PPP2R2B: variants seen among roughly 807,000 people sequenced by gnomAD.
The protein encoded by PPP2R2B is protein phosphatase 2 regulatory subunit Bbeta.
PPP2R2B carries 5 observed loss-of-function variants against 46.0 expected under a neutral mutation model. The observed-to-expected ratio is 0.11, with a 90% CI of 0.06 to 0.23. PPP2R2B has a LOEUF of 0.23. Ranked by LOEUF, PPP2R2B falls within the 10% of genes least tolerant of loss-of-function variation. PPP2R2B has a pLI of 1.00. For missense variants in PPP2R2B, 367 were observed against 575.0 expected (o/e 0.64, Z 3.70); for synonymous variants, 215 against 206.7 (o/e 1.04, Z -0.34).
chr5:146,988,684 A>G (rs186549276), intron 1 of PPP2R2B, among the ~76,000 whole-genome samples: 9 of 152,014 alleles, frequency 5.9e-5, no homozygotes, highest in Non-Finnish European at 2.9e-5. Flanking sequence ...GAAATAAACA[A>G]CCTAACATTA....
chr5:147,037,090 C>T (rs1756074056), intron 1 of PPP2R2B, among the ~76,000 whole-genome samples: 1 of 152,048 alleles, frequency 6.6e-6, no homozygotes, highest in African/African-American at 2.4e-5. Flanking sequence ...CACAGGGAAC[C>T]CAGGCAGTCT....
intron 2 of PPP2R2B, among the ~76,000 whole-genome samples, chr5:146,741,874 T>G (rs1752896668): frequency 6.6e-6 from 1 of 152,234 alleles, no homozygotes; most frequent in African/African-American, 2.4e-5. Context: ...CAGATCGATA[T>G]TAGCCTAGTA....
intron 7 of PPP2R2B, among the ~76,000 whole-genome samples, chr5:146,632,800 G>T (rs575821333): frequency 6.6e-6 from 1 of 152,272 alleles, no homozygotes; most frequent in East Asian, 1.9e-4. Flanking sequence ...AGAATTCCAG[G>T]CAGAAAAGCA....
chr5:146,688,494 G>T (rs940443302), intron 5 of PPP2R2B, among the ~76,000 whole-genome samples: 7 of 151,754 alleles, frequency 4.6e-5, no homozygotes, highest in African/African-American at 1.7e-4. Flanking sequence ...TGGCAGCTTA[G>T]AAACTAAGCT....
chr5:146,591,092 G>C (rs536798492), intron 9 of PPP2R2B, among the ~76,000 whole-genome samples: 63 of 152,182 alleles, frequency 4.1e-4, no homozygotes, highest in African/African-American at 1.5e-3. Flanking sequence ...GGGAGGGAGA[G>C]ATTCCTTGGG....
At chr5:146,968,253 G>A (rs2151846549) in intron 1 of PPP2R2B, among the ~76,000 whole-genome samples, 1 of 152,290 alleles carries the variant, frequency 6.6e-6, no homozygotes, top group East Asian at 1.9e-4. Flanking sequence ...AATAGGCAGT[G>A]ATGGTGTTTA....
At chr5:146,812,793 GTA>G (rs1201054676) in intron 2 of PPP2R2B, among the ~76,000 whole-genome samples, 622 of 12,106 alleles carry the variant, frequency 0.051, 67 homozygotes, top group Non-Finnish European at 0.078. Context: ...GTATATGTGT[GTA>G]TATATATATA....
At chr5:146,990,875 C>T (rs1036441594) in intron 1 of PPP2R2B, among the ~76,000 whole-genome samples, 1 of 151,606 alleles carries the variant, frequency 6.6e-6, no homozygotes, top group African/African-American at 2.4e-5. Flanking sequence ...AAAGAAAGAA[C>T]AAAAACTAAA....
At chr5:147,073,572 C>T (rs757756822) in intron 2 of PPP2R2B, among the ~76,000 whole-genome samples, 2 of 152,106 alleles carry the variant, frequency 1.3e-5, no homozygotes, top group South Asian at 2.1e-4. Flanking sequence ...CTTCAGTGCC[C>T]GAGGCAGAGA....
chr5:146,749,934 AT>A (rs1447344008), intron 2 of PPP2R2B, among the ~76,000 whole-genome samples: 1 of 151,918 alleles, frequency 6.6e-6, no homozygotes, highest in African/African-American at 2.4e-5. Context: ...ATAGCTTCAC[AT>A]TTTATATCTA....
At chr5:147,001,377 A>G (rs887085379) in intron 1 of PPP2R2B, among the ~76,000 whole-genome samples, 1 of 152,020 alleles carries the variant, frequency 6.6e-6, no homozygotes, top group Non-Finnish European at 1.5e-5. Context: ...TGATGAACCC[A>G]CCAGGAGGAA....
chr5:146,963,987 G>C lies in PPP2R2B; in HGVS notation c.79+91678C>G, dbSNP rs185302352. On this transcript the variant is annotated intron_variant, in intron 1 of 8. Transcript: ENST00000336640. Reference sequence around the variant, plus strand: ...ATTATGAATAATTTACCCTTCTCAAGGCTGAATTTCCTCTGATGATACTTG... The same window carrying C: ...ATTATGAATAATTTACCCTTCTCAACGCTGAATTTCCTCTGATGATACTTG... Among the ~76,000 whole-genome samples, 94 of 152,280 alleles carry C rather than the reference G, an allele frequency of 6.2e-4. 1 individual carries two copies. Among genetic ancestry groups the C allele is most frequent in the African/African-American group, 2.1e-3 (89 of 41,562 alleles).
In PPP2R2B at chr5:147,002,565, G is replaced by T. The variant is rs190488270; in HGVS notation, c.79+53100C>A. Among the ~76,000 whole-genome samples, 190 of 149,480 alleles carry T rather than the reference G, an allele frequency of 1.3e-3. 2 individuals carry two copies. The highest frequency in any genetic ancestry group is 2.5e-3 in the Non-Finnish European group (168 of 67,962). On this transcript the variant is annotated intron_variant, in intron 1 of 8. Coordinates refer to the PPP2R2B transcript ENST00000336640. ...GGGCCACTAAATCCGATTTTTCTCG[G>T]TCTTCTTTGTGGTCTAGGAGGACAG...
intron 7 of PPP2R2B, among the ~76,000 whole-genome samples, chr5:146,617,695 TCTC>T (rs796268459): frequency 3.9e-4 from 57 of 147,302 alleles, no homozygotes; most frequent in African/African-American, 1.3e-3. Context: ...TCTCTCTCTC[TCTC>T]TTTTTTTTTT....
At chr5:146,702,175 G>A (rs752003189) in intron 2 of PPP2R2B, among the ~76,000 whole-genome samples, 4 of 151,942 alleles carry the variant, frequency 2.6e-5, no homozygotes, top group Non-Finnish European at 4.4e-5. Flanking sequence ...GAAAACTAAG[G>A]CAATTACCCC....
In PPP2R2B at chr5:146,600,372, C is replaced by T. The variant is rs1771662831; in HGVS notation, c.879G>A (p.Gly293=). 1.9e-6 allele frequency: 3 copies of T among 1,613,988 alleles called. No homozygotes were observed. The highest frequency in any genetic ancestry group is 4.5e-5 in the East Asian group (2 of 44,884). Residue 293 remains glycine (G), a synonymous_variant, in exon 8 of 10, where the codon GGG becomes GGA. Transcript: ENST00000394411. ...AGTAGTCCCTGGTCATGATATACCT[C>T]CCACTGTGGCTGAACTTCACATCCG... ...SISDVKFSHS[G]RYIMTRDYLT...
At chr5:146,650,087 C>T (rs1581791413) in intron 6 of PPP2R2B, among the ~76,000 whole-genome samples, 1 of 152,216 alleles carries the variant, frequency 6.6e-6, no homozygotes, top group Non-Finnish European at 1.5e-5. Context: ...AAATGTAATA[C>T]TATAAAGTTC....
At chr5:146,877,231 A>C (rs1761946913) in intron 2 of PPP2R2B, among the ~76,000 whole-genome samples, 1 of 152,180 alleles carries the variant, frequency 6.6e-6, no homozygotes, top group Non-Finnish European at 1.5e-5. Context: ...ACTAGTGCTT[A>C]TGTCAGAACA....
At chr5:146,682,602 C>T (rs1399883902) in intron 5 of PPP2R2B, among the ~76,000 whole-genome samples, 1 of 152,162 alleles carries the variant, frequency 6.6e-6, no homozygotes, top group Non-Finnish European at 1.5e-5. Flanking sequence ...CAGTAGTACC[C>T]ACTCCACAGG....
Sources: allele counts gnomAD v4.1 joint callset (sites outside exome capture counted in the v4.1 genomes callset), GRCh38; gene constraint gnomAD v4.1.1; transcripts MANE v1.5; gene names NCBI Gene and HGNC (gene_info 2026-07-23, HGNC 2026-07-21).